The following TM9SF4 variants were observed in gnomAD, a reference collection of about 807,000 sequenced individuals.
TM9SF4 encodes the protein transmembrane 9 superfamily member 4.
Under a neutral mutation model 90.4 loss-of-function variants are expected in TM9SF4, and 26 were observed. The ratio of observed to expected loss-of-function variants is 0.29; its 90% CI spans 0.21 to 0.40. The LOEUF (loss-of-function observed/expected upper bound fraction) is 0.40, where lower values mean the gene tolerates loss of function less well. TM9SF4 is among the 10% of genes least tolerant of loss of function. The pLI is 1.00. For synonymous variants in TM9SF4, 293 were observed against 315.4 expected, an observed-to-expected ratio of 0.93 and a Z score of 0.75; for missense variants, 549 against 834.8, an observed-to-expected ratio of 0.66 and a Z score of 4.22.
At chr20:32,119,126 C>T (rs1445564809) in intron 1 of TM9SF4, among the ~76,000 whole-genome samples, 2 of 152,040 alleles carry the variant, frequency 1.3e-5, no homozygotes, top group Non-Finnish European at 2.9e-5. Flanking sequence ...CTGTGTTGCT[C>T]ATAAAGGAAT....
intron 1 of TM9SF4, among the ~76,000 whole-genome samples, chr20:32,111,521 G>C (rs1456477791): frequency 6.6e-6 from 1 of 151,838 alleles, no homozygotes; most frequent in Non-Finnish European, 1.5e-5. Context: ...CAGGGTCAAG[G>C]TCCCTACACT....
Position 32,141,477 on chromosome 20 carries a change from A to T in TM9SF4, c.230-20A>T. On this transcript the variant is annotated intron_variant, in intron 3 of 17. Transcript: ENST00000398022. ...CCTCAGGGCTGAAGCTCTGAGCTTG[A>T]TCTGTCTCTCTTACGGCAGGAGAGG... is the stretch of plus-strand genomic sequence containing the variant. The T allele has an allele frequency of 6.2e-7, 1 of 1,613,028 alleles. No individual in the cohort carries two copies. The highest frequency in any genetic ancestry group is 8.5e-7 in the Non-Finnish European group (1 of 1,179,344).
At chr20:32,162,991 C>G (rs1015335059) in intron 17 of TM9SF4, among the ~76,000 whole-genome samples, 2 of 152,068 alleles carry the variant, frequency 1.3e-5, no homozygotes, top group Admixed American at 6.6e-5. Flanking sequence ...TATCAGGGCT[C>G]AATCCCAGCA....
chr20:32,158,401 C>T (rs771255925), intron 14 of TM9SF4, 50 bp from the exon 15 acceptor site: 3 of 1,593,178 alleles, frequency 1.9e-6, no homozygotes, highest in East Asian at 2.2e-5. Flanking sequence ...GAGCTTGGGG[C>T]TTCCTGGTGG....
chr20:32,121,832 C>T (rs2046313393), intron 1 of TM9SF4, among the ~76,000 whole-genome samples: 1 of 145,876 alleles, frequency 6.9e-6, no homozygotes, highest in Non-Finnish European at 1.5e-5. Context: ...GGGCGGGGGG[C>T]TGAACCCCCC....
At chr20:32,141,460 C>G in intron 3 of TM9SF4, 37 bp from the exon 4 acceptor site, 1 of 1,608,940 alleles carries the variant, frequency 6.2e-7, no homozygotes, top group Non-Finnish European at 8.5e-7. Flanking sequence ...AACCTCAGGG[C>G]TGAAGCTCTG....
chr20:32,157,843 C>T lies in TM9SF4; in HGVS notation c.1379C>T (p.Ser460Phe). The T allele has an allele frequency of 6.2e-7, 1 of 1,614,142 alleles. No individual in the cohort carries two copies. The highest frequency in any genetic ancestry group is 1.1e-5 in the South Asian group (1 of 91,078). The change falls in exon 14 of 18, where the codon TCC becomes TTC. Residue 460 changes from serine to phenylalanine, a missense_variant. Around this residue, in one of 2 missense-constraint regions of TM9SF4, gnomAD observed 495 missense variants for 711.7 expected, o/e 0.70. Coordinates refer to ENST00000398022, the MANE Select transcript of TM9SF4 (RefSeq NM_014742.4). ...VALLCMWFGI[S>F]LPLVYLGYYF... ...CTGCTGTGCATGTGGTTCGGGATCT[C>T]CCTGCCCCTCGTCTACTTGGGCTAC... is the stretch of plus-strand genomic sequence containing the variant.
chr20:32,123,866 A>ATATATATATATTTTTTTT, intron 1 of TM9SF4, among the ~76,000 whole-genome samples: 37 of 93,954 alleles, frequency 3.9e-4, no homozygotes, highest in African/African-American at 7.3e-4. Flanking sequence ...ATATATATAT[A>ATATATATATATTTTTTTT]TTTTTTTTTT....
intron 1 of TM9SF4, among the ~76,000 whole-genome samples, chr20:32,113,844 C>T (rs1484655988): frequency 6.6e-6 from 1 of 152,192 alleles, no homozygotes; most frequent in African/African-American, 2.4e-5. Flanking sequence ...CCCTAGGCAA[C>T]TACTAATTTA....
intron 1 of TM9SF4, among the ~76,000 whole-genome samples, chr20:32,127,706 C>G (rs1291425227): frequency 1.3e-5 from 2 of 152,184 alleles, no homozygotes; most frequent in East Asian, 3.9e-4. Flanking sequence ...TGAAGTCTTT[C>G]AGGATTTGCT....
At chr20:32,118,907 T>A (rs965393155) in intron 1 of TM9SF4, among the ~76,000 whole-genome samples, 1 of 151,912 alleles carries the variant, frequency 6.6e-6, no homozygotes. Flanking sequence ...GGGATTATAG[T>A]CCTGAGCTAC....
At position 32,123,752 on chromosome 20, in the gene TM9SF4, A is replaced by G. The variant is rs761875735; in HGVS notation, c.16-9261A>G. Reference sequence around the variant, plus strand: ...AAGCATATCCATATTTTCTTCTAATACTTCTATTTTAATTATACTTGTAAG... The same window carrying G: ...AAGCATATCCATATTTTCTTCTAATGCTTCTATTTTAATTATACTTGTAAG... On this transcript the variant is annotated intron_variant, in intron 1 of 17. Coordinates refer to ENST00000398022, the MANE Select transcript of TM9SF4 (RefSeq NM_014742.4). 1.8e-3 allele frequency among the ~76,000 whole-genome samples: 271 copies of G among 149,360 alleles called. 1 individual carries two copies. Among genetic ancestry groups the G allele is most frequent in the Non-Finnish European group, 3.1e-3 (212 of 67,498 alleles).
At chr20:32,154,091 C>T (rs1249840687) in intron 12 of TM9SF4, among the ~76,000 whole-genome samples, 1 of 152,160 alleles carries the variant, frequency 6.6e-6, no homozygotes, top group Admixed American at 6.5e-5. Context: ...GCTTCACCAT[C>T]CTTCTAGGCA....
intron 12 of TM9SF4, among the ~76,000 whole-genome samples, chr20:32,154,295 C>T (rs1159599307): frequency 1.3e-5 from 2 of 150,876 alleles, no homozygotes; most frequent in Non-Finnish European, 2.9e-5. Flanking sequence ...ACCACAGGTG[C>T]GTACTACCAC....
intron 1 of TM9SF4, among the ~76,000 whole-genome samples, chr20:32,124,776 A>C (rs2046394737): frequency 6.6e-6 from 1 of 151,970 alleles, no homozygotes; most frequent in African/African-American, 2.4e-5. Flanking sequence ...TAGTAGAGAC[A>C]GGGTTTCACC....
Position 32,130,194 on chromosome 20 carries a change from A to G in TM9SF4, c.16-2819A>G, listed in dbSNP as rs956807617. ...ATTGCTTTTGGTTGCCAACTTCAGTATTATATTCAAAGATTCTAGCATATT... is the reference window on the plus strand; with the variant it reads ...ATTGCTTTTGGTTGCCAACTTCAGTGTTATATTCAAAGATTCTAGCATATT... On this transcript the variant is annotated intron_variant, in intron 1 of 17. Coordinates refer to ENST00000398022, the MANE Select transcript of TM9SF4 (RefSeq NM_014742.4). 7.9e-5 allele frequency among the ~76,000 whole-genome samples: 12 copies of G among 152,338 alleles called. No individual in the cohort carries two copies. In the East Asian group the frequency reaches 1.7e-3, roughly 22 times the overall value.
chr20:32,127,015 C>A (rs118077498), intron 1 of TM9SF4, among the ~76,000 whole-genome samples: 80 of 152,154 alleles, frequency 5.3e-4, no homozygotes, highest in Non-Finnish European at 9.4e-4. Flanking sequence ...ATTACAGGCA[C>A]GAGCCACCGC....
intron 1 of TM9SF4, among the ~76,000 whole-genome samples, chr20:32,116,862 CTTTTTTTTTTTT>C (rs201365030): frequency 3.0e-4 from 29 of 95,876 alleles, no homozygotes; most frequent in Non-Finnish European, 4.0e-4. Flanking sequence ...TTTCCTTTTT[CTTTTTTTTTTTT>C]TTTTTTTTTT....
chr20:32,145,761 T>C (rs1307222989), intron 8 of TM9SF4, among the ~76,000 whole-genome samples: 2 of 152,106 alleles, frequency 1.3e-5, no homozygotes, highest in Non-Finnish European at 2.9e-5. Context: ...CAGTCTCTGC[T>C]CCCATAGAGC....
Sources: gnomAD v4.1 joint callset for allele counts (sites outside exome capture counted in the v4.1 genomes callset) on GRCh38, gnomAD v4.1.1 for gene constraint, gnomAD v4.1.1 regional missense constraint, MANE v1.5 for transcripts, NCBI Gene and HGNC (gene_info 2026-07-23, HGNC 2026-07-21) for gene names.